The following OTUD7A variants were observed in gnomAD, a reference collection of about 807,000 sequenced individuals.
OTUD7A encodes the protein OTU domain-containing protein 7A.
A neutral mutation model predicts 65.7 loss-of-function variants in OTUD7A; 12 were observed. The ratio of observed to expected loss-of-function variants is 0.18; its 90% CI spans 0.12 to 0.30. OTUD7A has a LOEUF of 0.30. Ranked by LOEUF, OTUD7A falls within the 10% of genes least tolerant of loss-of-function variation. The pLI is 1.00. For synonymous variants in OTUD7A, 641 were observed against 586.3 expected (o/e 1.09, Z -1.35); for missense variants, 1,148 against 1,304.8 (o/e 0.88, Z 1.85).
Position 31,483,190 on chromosome 15 carries a change from G to C in OTUD7A, c.*104C>G. On this transcript the variant is annotated 3_prime_UTR_variant, in exon 13 of 13. Coordinates refer to ENST00000307050, the MANE Select transcript of OTUD7A (RefSeq NM_001382637.1). ...ACACGTACACGGCACTGACAGAGGA[G>C]GCGCCGGCCTTCCGGTGGACCAGGG... The C allele has an allele frequency of 1.0e-6, 1 of 1,002,228 alleles. No homozygotes were observed. Among genetic ancestry groups the C allele is most frequent in the Non-Finnish European group, 1.2e-6 (1 of 835,002 alleles). The allele number at this position is 1,002,228 out of a possible 1,614,324, so 62.1% of individuals were successfully genotyped here. A position where few individuals can be genotyped will look rare whatever the true frequency, so the allele number is the denominator to read the frequency against.
At position 31,759,180 on chromosome 15, in the gene OTUD7A, T is replaced by G. The variant is rs1300999890; in HGVS notation, c.-99-102103A>C. ...CCTCGAGGTCTCCAGCACTCCACGC[T>G]CTCTTGTAGCAGCCATCAGCTCTGT... On this transcript the variant is annotated intron_variant, in intron 1 of 12. Coordinates refer to ENST00000307050, the MANE Select transcript of OTUD7A (RefSeq NM_001382637.1). 2.0e-5 allele frequency among the ~76,000 whole-genome samples: 3 copies of G among 152,134 alleles called. No individual in the cohort carries two copies. In the East Asian group the frequency reaches 5.8e-4, roughly 29 times the overall value.
chr15:31,725,299 T>C (rs1013618167), intron 1 of OTUD7A, among the ~76,000 whole-genome samples: 9 of 152,220 alleles, frequency 5.9e-5, no homozygotes, highest in African/African-American at 1.9e-4. Flanking sequence ...TCTATGGCCA[T>C]TGACAGTCGC....
chr15:31,868,401 G>A (rs902784890), intron 1 of OTUD7A, among the ~76,000 whole-genome samples: 5 of 152,192 alleles, frequency 3.3e-5, no homozygotes, highest in Non-Finnish European at 7.3e-5. Flanking sequence ...TGGATACGGG[G>A]CCAGATTGAT....
intron 1 of OTUD7A, among the ~76,000 whole-genome samples, chr15:31,824,286 C>T (rs1005349301): frequency 6.6e-6 from 1 of 152,212 alleles, no homozygotes; most frequent in African/African-American, 2.4e-5. Context: ...ATCTCACCCC[C>T]GACCCTCCAT....
At chr15:31,841,432 A>T (rs1897180029) in intron 1 of OTUD7A, among the ~76,000 whole-genome samples, 1 of 152,168 alleles carries the variant, frequency 6.6e-6, no homozygotes, top group Non-Finnish European at 1.5e-5. Context: ...TCGAGGACAC[A>T]TGCAACAAGT....
chr15:31,804,291 G>C (rs952644154), intron 1 of OTUD7A, among the ~76,000 whole-genome samples: 5 of 152,296 alleles, frequency 3.3e-5, no homozygotes, highest in South Asian at 2.1e-4. Flanking sequence ...GTCCAGGAAA[G>C]CTTCTTGGAC....
At chr15:31,617,198 C>T (rs1482482290) in intron 3 of OTUD7A, among the ~76,000 whole-genome samples, 1 of 152,038 alleles carries the variant, frequency 6.6e-6, no homozygotes, top group East Asian at 1.9e-4. Flanking sequence ...TTAGAATAAT[C>T]GATAACTTGG....
At chr15:31,547,249 T>A (rs1888160688) in intron 5 of OTUD7A, among the ~76,000 whole-genome samples, 1 of 152,224 alleles carries the variant, frequency 6.6e-6, no homozygotes, top group Non-Finnish European at 1.5e-5. Flanking sequence ...AAAGAGTATG[T>A]CTGAAATATT....
chr15:31,586,476 C>T (rs1054979145), intron 3 of OTUD7A, among the ~76,000 whole-genome samples: 1 of 152,104 alleles, frequency 6.6e-6, no homozygotes. Context: ...GTCAGAAGAG[C>T]GGGGAGTGTC....
chr15:31,752,469 C>T (rs1208595538), intron 1 of OTUD7A, among the ~76,000 whole-genome samples: 2 of 152,142 alleles, frequency 1.3e-5, no homozygotes, highest in Non-Finnish European at 2.9e-5. Context: ...TCTAACATGA[C>T]ATCAATGAAC....
intron 3 of OTUD7A, among the ~76,000 whole-genome samples, chr15:31,652,310 C>A (rs1237559111): frequency 6.6e-6 from 1 of 152,132 alleles, no homozygotes; most frequent in Non-Finnish European, 1.5e-5. Context: ...TGAATCTGGA[C>A]CTAAATCTCA....
chr15:31,651,962 G>C lies in OTUD7A; in HGVS notation c.151+3134C>G, dbSNP rs568467606. On this transcript the variant is annotated intron_variant, in intron 3 of 12. Transcript: ENST00000307050. ...AATCTCAGCAAAACAGTTTAGAGTA[G>C]ATAGAGGTAAGCAGATCCTAAAGTT... Among the ~76,000 whole-genome samples, 9 of 131,748 alleles carry C rather than the reference G, an allele frequency of 6.8e-5. No individual in the cohort carries two copies. In the South Asian group the frequency reaches 2.0e-3, roughly 29 times the overall value. 86.4% of individuals were successfully genotyped at this position (131,748 alleles called of 152,430 possible).
chr15:31,518,437 C>A (rs1420504450), intron 8 of OTUD7A, among the ~76,000 whole-genome samples: 1 of 151,938 alleles, frequency 6.6e-6, no homozygotes, highest in Non-Finnish European at 1.5e-5. Flanking sequence ...CGCACCACTG[C>A]ATTCTAGCCT....
chr15:31,732,402 C>A (rs1363214892), intron 1 of OTUD7A, among the ~76,000 whole-genome samples: 1 of 152,198 alleles, frequency 6.6e-6, no homozygotes, highest in East Asian at 1.9e-4. Flanking sequence ...GTACATGTGG[C>A]CTCCTAGTTG....
At chr15:31,771,435 C>T (rs921884352) in intron 1 of OTUD7A, among the ~76,000 whole-genome samples, 4 of 152,182 alleles carry the variant, frequency 2.6e-5, no homozygotes, top group Admixed American at 2.0e-4. Context: ...TCAACATTTA[C>T]GTGATTGCTT....
chr15:31,700,342 A>G (rs1387408144), intron 1 of OTUD7A, among the ~76,000 whole-genome samples: 3 of 151,224 alleles, frequency 2.0e-5, no homozygotes, highest in African/African-American at 7.3e-5. Flanking sequence ...TCTCTTTTCC[A>G]CCCTTTGCCC....
At chr15:31,856,279 T>C (rs535167359) in intron 1 of OTUD7A, among the ~76,000 whole-genome samples, 6 of 152,244 alleles carry the variant, frequency 3.9e-5, no homozygotes, top group Non-Finnish European at 7.3e-5. Flanking sequence ...TCTAGAAAGA[T>C]GCACAAGGAG....
chr15:31,552,747 C>T (rs1888365533), intron 5 of OTUD7A, among the ~76,000 whole-genome samples: 1 of 152,366 alleles, frequency 6.6e-6, no homozygotes, highest in African/African-American at 2.4e-5. Context: ...ACCTGGCCCA[C>T]AAAGGAACGT....
intron 1 of OTUD7A, among the ~76,000 whole-genome samples, chr15:31,837,366 A>C (rs1024186085): frequency 4.5e-5 from 2 of 44,308 alleles, no homozygotes; most frequent in Non-Finnish European, 9.3e-5. Flanking sequence ...ATCTCTACTA[A>C]AAATACAAAA....
Sources: allele counts gnomAD v4.1 joint callset (sites outside exome capture counted in the v4.1 genomes callset), GRCh38; gene constraint gnomAD v4.1.1; transcripts MANE v1.5; gene names NCBI Gene and HGNC (gene_info 2026-07-23, HGNC 2026-07-21).